CMC1: variants seen among roughly 807,000 people sequenced by gnomAD.
The protein encoded by CMC1 is COX assembly mitochondrial protein homolog.
A neutral mutation model predicts 14.1 loss-of-function variants in CMC1; 14 were observed. The observed-to-expected ratio is 0.99, with a 90% CI of 0.66 to 1.55. The LOEUF is 1.55. Among genes scored for constraint, CMC1 ranks in the 40% most tolerant of loss-of-function variants. CMC1 has a pLI of 0.00. For missense variants in CMC1, 127 were observed against 123.8 expected (o/e 1.03, Z -0.12); for synonymous variants, 50 against 38.4 (o/e 1.30, Z -1.12).
chr3:28,263,916 G>A (rs945171795), intron 2 of CMC1, among the ~76,000 whole-genome samples: 8 of 152,058 alleles, frequency 5.3e-5, no homozygotes, highest in Admixed American at 1.3e-4. Context: ...AGCTACAAGT[G>A]TATGTTTTCT....
intron 2 of CMC1, among the ~76,000 whole-genome samples, chr3:28,265,161 A>T (rs544274777): frequency 6.6e-6 from 1 of 152,100 alleles, no homozygotes; most frequent in Non-Finnish European, 1.5e-5. Flanking sequence ...AGCATCTTAA[A>T]ATCTGTGACT....
At chr3:28,258,723 C>G (rs945062830) in intron 1 of CMC1, among the ~76,000 whole-genome samples, 1 of 150,446 alleles carries the variant, frequency 6.6e-6, no homozygotes, top group Non-Finnish European at 1.5e-5. Context: ...GGGTTCATGC[C>G]ATTCTCCTGC....
intron 2 of CMC1, among the ~76,000 whole-genome samples, chr3:28,285,361 G>T (rs1169103346): frequency 1.2e-5 from 1 of 82,866 alleles, no homozygotes; most frequent in Non-Finnish European, 2.7e-5. Context: ...AATACATATT[G>T]TAGTATGAGA....
At chr3:28,280,966 G>A (rs138301914) in intron 2 of CMC1, among the ~76,000 whole-genome samples, 1,891 of 152,280 alleles carry the variant, frequency 0.012, 20 homozygotes, top group Non-Finnish European at 0.02. Flanking sequence ...GCCTATAGCT[G>A]CTTTCACACT....
chr3:28,256,202 T>C (rs1265937192), intron 1 of CMC1, among the ~76,000 whole-genome samples: 1 of 118,756 alleles, frequency 8.4e-6, no homozygotes, highest in African/African-American at 3.1e-5. Flanking sequence ...TGTGTGTGTG[T>C]ATATATATAT....
chr3:28,247,733 C>T (rs1698899246), intron 1 of CMC1, among the ~76,000 whole-genome samples: 1 of 152,312 alleles, frequency 6.6e-6, no homozygotes, highest in South Asian at 2.1e-4. Context: ...GGAATGGGTA[C>T]TTGCACACAT....
At chr3:28,276,628 C>T (rs1175759972) in intron 2 of CMC1, among the ~76,000 whole-genome samples, 3 of 152,182 alleles carry the variant, frequency 2.0e-5, no homozygotes, top group Non-Finnish European at 4.4e-5. Flanking sequence ...TAGAAGATCA[C>T]ACTTCACTTA....
Position 28,263,276 on chromosome 3 carries a change from T to C in CMC1, c.20-15T>C, listed in dbSNP as rs765749619. Reference sequence around the variant, plus strand: ...TGCTTGAGACTTTATTAAAGAAAGATCTTTTTTTTTTCAGACCAGCATCTC... The same window carrying C: ...TGCTTGAGACTTTATTAAAGAAAGACCTTTTTTTTTTCAGACCAGCATCTC... On this transcript the variant is annotated splice_polypyrimidine_tract_variant and intron_variant, in intron 1 of 3. Coordinates refer to ENST00000466830, the MANE Select transcript of CMC1 (RefSeq NM_182523.2). 3 of 1,548,556 alleles carry C rather than the reference T, an allele frequency of 1.9e-6. No homozygotes were observed. In the African/African-American group the frequency reaches 4.1e-5, roughly 21 times the overall value.
intron 3 of CMC1, chr3:28,317,495 G>A (rs895168802): frequency 8.6e-5 from 13 of 151,946 alleles, no homozygotes; most frequent in African/African-American, 1.5e-4. Context: ...CTGAGTAAAC[G>A]AATCTCTTAA....
At chr3:28,311,821 A>G (rs1177497653) in intron 2 of CMC1, among the ~76,000 whole-genome samples, 3 of 152,246 alleles carry the variant, frequency 2.0e-5, no homozygotes, top group African/African-American at 7.2e-5. Context: ...AAATCTTACT[A>G]AAAGTCAGCA....
At chr3:28,277,553 A>C (rs1700644151) in intron 2 of CMC1, among the ~76,000 whole-genome samples, 1 of 152,202 alleles carries the variant, frequency 6.6e-6, no homozygotes, top group South Asian at 2.1e-4. Flanking sequence ...TGCCTTAAAG[A>C]AAAATAAATT....
chr3:28,272,172 G>GA (rs1479897818), intron 2 of CMC1, among the ~76,000 whole-genome samples: 4 of 152,190 alleles, frequency 2.6e-5, no homozygotes, highest in Non-Finnish European at 5.9e-5. Flanking sequence ...TCTGTAAACA[G>GA]AGACAGTTTG....
intron 2 of CMC1, 44 bp from the exon 3 acceptor site, chr3:28,316,289 T>C: frequency 1.0e-6 from 1 of 986,236 alleles, no homozygotes; most frequent in Non-Finnish European, 1.5e-6. Context: ...GGTATTTATA[T>C]AGATATAATT....
In CMC1 at chr3:28,245,338, C is replaced by T. The variant is rs568061418; in HGVS notation, c.19+3526C>T. Among the ~76,000 whole-genome samples the T allele has an allele frequency of 4.3e-4, 65 of 152,204 alleles. 1 individual carries two copies. In the South Asian group the frequency reaches 7.7e-3, roughly 18 times the overall value. On this transcript the variant is annotated intron_variant, in intron 1 of 3. Coordinates refer to ENST00000466830, the MANE Select transcript of CMC1 (RefSeq NM_182523.2). ...GCAATCTTTGCTTATTGCCATGTTC[C>T]GGACAAATTTTCAGACATGATTATA...
chr3:28,313,671 T>G (rs6805638), intron 2 of CMC1, among the ~76,000 whole-genome samples: 121,161 of 152,156 alleles, frequency 0.8, 48,634 homozygotes, highest in East Asian at 0.97. Flanking sequence ...CTCCTGAAGA[T>G]ATTTGGACAA....
At position 28,309,387 on chromosome 3, in the gene CMC1, CA is replaced by C. The variant is rs1482360695; in HGVS notation, c.110-6945del. Among the ~76,000 whole-genome samples, 3 of 152,030 alleles carry C rather than the reference CA, an allele frequency of 2.0e-5. No homozygotes were observed. In the East Asian group the frequency reaches 5.8e-4, roughly 29 times the overall value. On this transcript the variant is annotated intron_variant, in intron 2 of 3. Coordinates refer to ENST00000466830, the MANE Select transcript of CMC1 (RefSeq NM_182523.2). ...TTTGGTGAGTGTGTGTTATGTAAAA[CA>C]GTGCTTTTGTTTGTTTTTCTGGTGT...
At chr3:28,280,726 T>A (rs1009841623) in intron 2 of CMC1, among the ~76,000 whole-genome samples, 1 of 152,208 alleles carries the variant, frequency 6.6e-6, no homozygotes, top group Admixed American at 6.5e-5. Flanking sequence ...AAAATGTAGT[T>A]GTCAGCAGAG....
At chr3:28,242,448 G>C (rs1480434117) in intron 1 of CMC1, among the ~76,000 whole-genome samples, 1 of 152,162 alleles carries the variant, frequency 6.6e-6, no homozygotes, top group Admixed American at 6.5e-5. Flanking sequence ...CATTTTTGGA[G>C]GGAATGGTAG....
chr3:28,256,321 T>C (rs574679312), intron 1 of CMC1, among the ~76,000 whole-genome samples: 107 of 152,254 alleles, frequency 7.0e-4, no homozygotes, highest in African/African-American at 2.5e-3. Flanking sequence ...AAGGGCAGGC[T>C]TGGAATTCTT....
Sources: gnomAD v4.1 joint callset for allele counts (sites outside exome capture counted in the v4.1 genomes callset) on GRCh38, gnomAD v4.1.1 for gene constraint, MANE v1.5 for transcripts, NCBI Gene and HGNC (gene_info 2026-07-23, HGNC 2026-07-21) for gene names.